The following FBXO34 variants were observed in gnomAD, a reference collection of about 807,000 sequenced individuals.
FBXO34 encodes F-box protein 34.
In FBXO34, 12 loss-of-function variants were observed where a neutral mutation model predicts 24.5. The observed-to-expected ratio is 0.49, with a 90% CI of 0.31 to 0.79. FBXO34 has a LOEUF of 0.79. Ranked by LOEUF, FBXO34 falls within the 30% of genes least tolerant of loss-of-function variation. The pLI is 0.04. For missense variants in FBXO34, 823 were observed against 857.7 expected, an observed-to-expected ratio of 0.96 and a Z score of 0.51; for synonymous variants, 320 against 311.9, an observed-to-expected ratio of 1.03 and a Z score of -0.27.
intron 1 of FBXO34, among the ~76,000 whole-genome samples, chr14:55,309,705 TTGAC>T (rs1204089557): frequency 6.6e-6 from 1 of 152,224 alleles, no homozygotes; most frequent in Non-Finnish European, 1.5e-5. Flanking sequence ...TTTTGCTTGC[TTGAC>T]TGTTAGTAAT....
At chr14:55,310,613 A>ATGCCTGCC (rs372963111) in intron 1 of FBXO34, among the ~76,000 whole-genome samples, 2 of 152,104 alleles carry the variant, frequency 1.3e-5, no homozygotes, top group South Asian at 2.1e-4. Flanking sequence ...GGGTTTCTTC[A>ATGCCTGCC]TGCCTGCCTG....
chr14:55,289,859 T>TA (rs750463964), intron 1 of FBXO34, among the ~76,000 whole-genome samples: 4 of 150,324 alleles, frequency 2.7e-5, no homozygotes, highest in East Asian at 1.9e-4. Flanking sequence ...TGTCTACCTT[T>TA]AAAAAAAAAA....
At chr14:55,410,376 G>A in the FBXO34 span, among the ~76,000 whole-genome samples, 1 of 152,104 alleles carries the variant, frequency 6.6e-6, no homozygotes, top group African/African-American at 2.4e-5. Context: ...CCAAATCCTC[G>A]ATTCACTCCA....
chr14:55,390,867 A>C, the FBXO34 span: 3 of 1,357,320 alleles, frequency 2.2e-6, no homozygotes, highest in South Asian at 3.8e-5. Context: ...GAAATTCCAC[A>C]TAGGCACTTT....
At chr14:55,392,053 C>T in the FBXO34 span, among the ~76,000 whole-genome samples, 1 of 152,172 alleles carries the variant, frequency 6.6e-6, no homozygotes, top group South Asian at 2.1e-4. Context: ...AATTTTTCCA[C>T]GGACAGGGTG....
At chr14:55,281,112 G>A (rs963718414) in intron 1 of FBXO34, among the ~76,000 whole-genome samples, 3 of 151,518 alleles carry the variant, frequency 2.0e-5, no homozygotes, top group Non-Finnish European at 2.9e-5. Context: ...TATCCCTTTG[G>A]GCATGGTAGC....
chr14:55,350,894 G>T lies in FBXO34; in HGVS notation c.504G>T (p.Arg168Ser). 2.5e-6 allele frequency: 4 copies of T among 1,613,824 alleles called. No individual in the cohort carries two copies. The East Asian group carries it at 8.9e-5, about 36-fold the overall frequency. The change falls in exon 2 of 2, where the codon AGG (arginine) becomes AGT (serine). Residue 168 changes from arginine (R) to serine (S), a missense_variant. By Grantham distance (110) the Arg-to-Ser change is moderately radical (BLOSUM62 -1). Around this residue, in one of 2 missense-constraint regions of FBXO34, gnomAD observed 693 missense variants for 659.1 expected, o/e 1.05. Transcript: ENST00000313833. ...KKAKVQVERM[R>S]EVNSRCYQPE... ...CCAAGGTACAGGTGGAAAGGATGAG[G>T]GAGGTTAACAGCAGGTGCTACCAAC...
At chr14:55,360,411 C>G (rs1245161734) in intron 3 of FBXO34, among the ~76,000 whole-genome samples, 1 of 152,114 alleles carries the variant, frequency 6.6e-6, no homozygotes, top group Admixed American at 6.5e-5. Context: ...TAAGAAGCAA[C>G]TCCTTATCCA....
At chr14:55,323,598 G>T (rs1883242804) in intron 1 of FBXO34, among the ~76,000 whole-genome samples, 1 of 151,910 alleles carries the variant, frequency 6.6e-6, no homozygotes, top group Non-Finnish European at 1.5e-5. Context: ...GGCCAGGATG[G>T]TCTCAATCTC....
chr14:55,280,120 T>C (rs1348228129), intron 1 of FBXO34, among the ~76,000 whole-genome samples: 3 of 152,360 alleles, frequency 2.0e-5, no homozygotes, highest in East Asian at 3.9e-4. Flanking sequence ...ATATACATTT[T>C]ATATGTATGT....
intron 1 of FBXO34, among the ~76,000 whole-genome samples, chr14:55,334,408 T>A (rs1883702502): frequency 6.6e-6 from 1 of 152,068 alleles, no homozygotes; most frequent in South Asian, 2.1e-4. Context: ...CAGAAAAGAA[T>A]AAGATTACTT....
intron 1 of FBXO34, among the ~76,000 whole-genome samples, chr14:55,320,288 G>A (rs1883084717): frequency 6.6e-6 from 1 of 152,132 alleles, no homozygotes; most frequent in Non-Finnish European, 1.5e-5. Flanking sequence ...TTGTCAAGGC[G>A]ACGGTGATTG....
At chr14:55,432,071 T>G in the FBXO34 span, among the ~76,000 whole-genome samples, 34 of 151,878 alleles carry the variant, frequency 2.2e-4, no homozygotes, top group South Asian at 6.2e-4. Flanking sequence ...AAGAAAAAAA[T>G]GGGATAAAAT....
intron 1 of FBXO34, among the ~76,000 whole-genome samples, chr14:55,311,196 A>G (rs565220433): frequency 6.6e-6 from 1 of 152,346 alleles, no homozygotes; most frequent in East Asian, 1.9e-4. Flanking sequence ...ACAATGTGGC[A>G]GGAGGGAGAA....
chr14:55,362,114 T>A (rs1040151583), downstream of FBXO34, among the ~76,000 whole-genome samples: 1 of 152,184 alleles, frequency 6.6e-6, no homozygotes, highest in Non-Finnish European at 1.5e-5. Context: ...GTGAGAGACA[T>A]GGGACTCTTT....
chr14:55,366,314 G>A (rs1884677487), downstream of FBXO34: 1 of 152,418 alleles, frequency 6.6e-6, no homozygotes, highest in Admixed American at 6.6e-5. Context: ...AGTACTCCAG[G>A]GTTCAATCTC....
rs1881452155 is a variant in FBXO34, at chr14:55,279,309, A to G, written c.-11+7772A>G. On this transcript the variant is annotated intron_variant, in intron 1 of 1. Transcript: ENST00000313833. ...CAAAAAAAAAAAAAAAGGAAAAAATATATTTAGTGGGGTCTAATAATTTCC... is the reference window on the plus strand; with the variant it reads ...CAAAAAAAAAAAAAAAGGAAAAAATGTATTTAGTGGGGTCTAATAATTTCC... Among the ~76,000 whole-genome samples the G allele has an allele frequency of 2.0e-5, 3 of 151,634 alleles. No individual in the cohort carries two copies. The South Asian group carries it at 6.2e-4, about 31-fold the overall frequency.
the FBXO34 span, chr14:55,437,033 A>G: frequency 1.2e-6 from 2 of 1,608,516 alleles, no homozygotes; most frequent in Admixed American, 1.7e-5. Flanking sequence ...GCAGTTCCCA[A>G]AACAGACAGA....
chr14:55,413,997 T>G, the FBXO34 span: 1 of 526,720 alleles, frequency 1.9e-6, no homozygotes, highest in South Asian at 1.4e-5. Context: ...CAACTCCATC[T>G]TTTCTAAAAG....
Sources: gnomAD v4.1 joint callset for allele counts (sites outside exome capture counted in the v4.1 genomes callset) on GRCh38, gnomAD v4.1.1 for gene constraint, gnomAD v4.1.1 regional missense constraint, MANE v1.5 for transcripts, NCBI Gene and HGNC (gene_info 2026-07-23, HGNC 2026-07-21) for gene names.